The following SHISA2 variants were observed in gnomAD, a reference collection of about 807,000 sequenced individuals.
The protein encoded by SHISA2 is shisa family member 2.
Under a neutral mutation model 23.8 loss-of-function variants are expected in SHISA2, and 16 were observed. The ratio of observed to expected loss-of-function variants is 0.67; its 90% confidence interval spans 0.46 to 1.02. The LOEUF (loss-of-function observed/expected upper bound fraction) is 1.02, where lower values mean the gene tolerates loss of function less well. Among genes scored for constraint, SHISA2 ranks in the 50% least tolerant of loss-of-function variants. The pLI, the probability that SHISA2 is intolerant of heterozygous loss-of-function variation, is 0.00. For synonymous variants in SHISA2, 201 were observed against 178.6 expected (o/e 1.13, Z -1.00); for missense variants, 459 against 420.1 (o/e 1.09, Z -0.81).
chr13:26,046,811 G>C lies in SHISA2; in HGVS notation c.590C>G (p.Ala197Gly). 6.2e-7 allele frequency: 1 copy of C among 1,614,126 alleles called. No individual in the cohort carries two copies. Among genetic ancestry groups the C allele is most frequent in the Non-Finnish European group, 8.5e-7 (1 of 1,180,008 alleles). ...GTTGGTCTGTGACCTTGTTGGGGGC[G>C]CCCGGGCCCCTGAGTTGGCGCTGGA... ...SSSSANSGAR[A>G]PPTRSQTNCC... Residue 197 changes from alanine to glycine, a missense_variant, in exon 2 of 2, where the codon GCG becomes GGG. Ala to Gly is a moderately conservative substitution (Grantham distance 60). Coordinates refer to ENST00000319420, the MANE Select transcript of SHISA2 (RefSeq NM_001007538.2).
intron 1 of SHISA2, 107 bp from the exon 2 acceptor site, chr13:26,047,173 CT>C: frequency 1.7e-6 from 2 of 1,174,396 alleles, no homozygotes; most frequent in East Asian, 2.6e-5. Context: ...ATACCCACAG[CT>C]GAAGGACCTA....
At position 26,046,811 on chromosome 13, in the gene SHISA2, G is replaced by A. The variant is rs372812470; in HGVS notation, c.590C>T (p.Ala197Val). ...GTTGGTCTGTGACCTTGTTGGGGGCGCCCGGGCCCCTGAGTTGGCGCTGGA... is the reference window on the plus strand; with the variant it reads ...GTTGGTCTGTGACCTTGTTGGGGGCACCCGGGCCCCTGAGTTGGCGCTGGA... ...SSSSANSGAR[A>V]PPTRSQTNCC... Residue 197 changes from alanine to valine, a missense_variant, in exon 2 of 2, where the codon GCG (alanine) becomes GTG (valine). Transcript: ENST00000319420. 1.8e-5 allele frequency: 29 copies of A among 1,614,006 alleles called. No homozygotes were observed. The highest frequency in any genetic ancestry group is 8.9e-5 in the East Asian group (4 of 44,892).
At position 26,051,377 on chromosome 13, in the gene SHISA2, G is replaced by C. The variant is rs935651439; in HGVS notation, c.-402C>G. ...CTGGGCGCGCCGCCGCGGACCTGGA[G>C]CCAGGGCTCTGCGCAGGGTTTAAGC... On this transcript the variant is annotated 5_prime_UTR_variant, in exon 1 of 2. Transcript: ENST00000319420. 6.6e-6 allele frequency among the ~76,000 whole-genome samples: 1 copy of C among 152,148 alleles called. No homozygotes were observed. The highest frequency in any genetic ancestry group is 2.4e-5 in the African/African-American group (1 of 41,444).
intron 1 of SHISA2, among the ~76,000 whole-genome samples, chr13:26,047,528 C>G (rs989279034): frequency 3.9e-4 from 60 of 152,082 alleles, no homozygotes; most frequent in African/African-American, 1.4e-3. Flanking sequence ...ATTTAAGTTC[C>G]TTGCAAATTT....
rs1418700442 is a variant in SHISA2 at position 26,046,555 on chromosome 13, G to A, written c.846C>T (p.His282=). The change falls in exon 2 of 2, where the codon CAC becomes CAT. Residue 282 remains histidine, a synonymous_variant. Transcript: ENST00000319420. ...GGTACATCTTCTGTTCACTGTTGGT[G>A]TGAGGGAAGGGGGACTGAATCTGCC... is the stretch of plus-strand genomic sequence containing the variant. ...GYRQIQSPFP[H]TNSEQKMYPA... 1 of 1,613,458 alleles carries A rather than the reference G, an allele frequency of 6.2e-7. No homozygotes were observed. The highest frequency in any genetic ancestry group is 1.3e-5 in the African/African-American group (1 of 74,930).
At chr13:26,049,948 T>C (rs1957290282) in intron 1 of SHISA2, among the ~76,000 whole-genome samples, 1 of 151,556 alleles carries the variant, frequency 6.6e-6, no homozygotes, top group African/African-American at 2.4e-5. Context: ...GGAAGGTTTC[T>C]GAAGAGTGAA....
At position 26,046,801 on chromosome 13, in the gene SHISA2, T is replaced by C; in HGVS notation, c.600A>G (p.Thr200=). 1 of 1,614,148 alleles carries C rather than the reference T, an allele frequency of 6.2e-7. No homozygotes were observed. Among genetic ancestry groups the C allele is most frequent in the Non-Finnish European group, 8.5e-7 (1 of 1,180,014 alleles). Residue 200 remains threonine (T), a synonymous_variant, in exon 2 of 2, where the codon ACA becomes ACG. Transcript: ENST00000319420. Reference sequence around the variant, plus strand: ...GCAAGCAACAGTTGGTCTGTGACCTTGTTGGGGGCGCCCGGGCCCCTGAGT... The same window carrying C: ...GCAAGCAACAGTTGGTCTGTGACCTCGTTGGGGGCGCCCGGGCCCCTGAGT... ...SANSGARAPP[T]RSQTNCCLPE...
chr13:26,050,811 G>C lies in SHISA2; in HGVS notation c.165C>G (p.Pro55=), dbSNP rs746829895. The part of the protein sequence containing the change: ...QGVWRIGFQC[P]ERFDGGDATI... ...TGGCGTCGCCGCCGTCGAAGCGCTCGGGACACTGGAAGCCGATGCGCCAGA... is the reference window on the plus strand; with the variant it reads ...TGGCGTCGCCGCCGTCGAAGCGCTCCGGACACTGGAAGCCGATGCGCCAGA... Residue 55 remains proline, a synonymous_variant, in exon 1 of 2, where the codon CCC becomes CCG. Transcript: ENST00000319420. The C allele has an allele frequency of 1.9e-5, 29 of 1,539,918 alleles. No individual in the cohort carries two copies. The highest frequency in any genetic ancestry group is 2.3e-5 in the Non-Finnish European group (27 of 1,154,002).
At chr13:26,050,541 C>T (rs1156746653) in intron 1 of SHISA2, 101 bp downstream of exon 1, 7 of 1,211,268 alleles carry the variant, frequency 5.8e-6, no homozygotes, top group Non-Finnish European at 7.5e-6. Flanking sequence ...CCTCCTGGTC[C>T]TAGGCCCTTT....
rs571939713 is a variant in SHISA2 at position 26,044,726 on chromosome 13, G to A, written c.*1787C>T. On this transcript the variant is annotated 3_prime_UTR_variant, in exon 2 of 2. Coordinates refer to ENST00000319420, the MANE Select transcript of SHISA2 (RefSeq NM_001007538.2). The stretch of plus-strand genomic sequence containing the variant: ...CATTATTCAGTCATGAAACAGAATA[G>A]AAAGATGATCGATAGATATCTATAG... The A allele has an allele frequency of 6.6e-6, 1 of 152,312 alleles. No homozygotes were observed. The highest frequency in any genetic ancestry group is 3.4e-3 in the Middle Eastern group (1 of 294). The allele number at this position is 152,312 out of a possible 1,614,324, so 9.4% of individuals were successfully genotyped here. A position where few individuals can be genotyped will look rare whatever the true frequency, so the allele number is the denominator to read the frequency against.
chr13:26,049,461 A>G (rs899770210), intron 1 of SHISA2, among the ~76,000 whole-genome samples: 4 of 152,216 alleles, frequency 2.6e-5, no homozygotes, highest in African/African-American at 9.7e-5. Flanking sequence ...CCAATCTAGC[A>G]GACATCTCAC....
chr13:26,051,969 C>T lies in SHISA2; in HGVS notation c.-994G>A, dbSNP rs1222227541. Among the ~76,000 whole-genome samples, 1 of 45,772 alleles carries T rather than the reference C, an allele frequency of 2.2e-5. No individual in the cohort carries two copies. The allele number at this position is 45,772 out of a possible 152,430, so 30.0% of individuals were successfully genotyped here. On this transcript the variant is annotated 5_prime_UTR_variant, in exon 1 of 2. Transcript: ENST00000319420. ...CGGGAGAAGCCGAGCGCAGCAGCCG[C>T]CCACAGCCTCGCCTCGCCCCGCCCG... is the stretch of plus-strand genomic sequence containing the variant.
At chr13:26,050,271 T>C (rs59924692) in intron 1 of SHISA2, among the ~76,000 whole-genome samples, 32,050 of 152,030 alleles carry the variant, frequency 0.21, 3,491 homozygotes, top group South Asian at 0.35. Flanking sequence ...CCCTCACGGG[T>C]GGGGGCGCAC....
At chr13:26,047,102 A>T (rs1003409421) in intron 1 of SHISA2, 36 bp from the exon 2 acceptor site, 1 of 1,504,370 alleles carries the variant, frequency 6.6e-7, no homozygotes, top group African/African-American at 1.4e-5. Flanking sequence ...ATTATGATCT[A>T]CTCTAGGAAC....
rs1957300610 is a variant in SHISA2, at chr13:26,051,052, C to T, written c.-77G>A. 1 of 1,304,362 alleles carries T rather than the reference C, an allele frequency of 7.7e-7. No individual in the cohort carries two copies. The highest frequency in any genetic ancestry group is 1.0e-6 in the Non-Finnish European group (1 of 998,314). 80.8% of individuals were successfully genotyped at this position (1,304,362 alleles called of 1,614,324 possible). On this transcript the variant is annotated 5_prime_UTR_variant, in exon 1 of 2. Coordinates refer to ENST00000319420, the MANE Select transcript of SHISA2 (RefSeq NM_001007538.2). ...CCGAGAAGTCGTGGCCCCGGCGACCCCCGGGCCTCGTCACTGACTGTCCCG... is the reference window on the plus strand; with the variant it reads ...CCGAGAAGTCGTGGCCCCGGCGACCTCCGGGCCTCGTCACTGACTGTCCCG...
Position 26,046,423 on chromosome 13 carries a change from A to G in SHISA2, c.*90T>C, listed in dbSNP as rs568397430. On this transcript the variant is annotated 3_prime_UTR_variant, in exon 2 of 2. Transcript: ENST00000319420. ...AAGCCATCCAAAGGAATCGTGCCAT[A>G]AATACCACCGACATGTGCGGACTTC... 2.9e-6 allele frequency: 4 copies of G among 1,362,970 alleles called. No homozygotes were observed. The South Asian group carries it at 5.8e-5, about 20-fold the overall frequency. 84.4% of individuals were successfully genotyped at this position (1,362,970 alleles called of 1,614,324 possible). A position where few individuals can be genotyped will look rare whatever the true frequency, so the allele number is the denominator to read the frequency against.
In SHISA2 at chr13:26,046,081, TTAA is replaced by T. The variant is rs1160793156; in HGVS notation, c.*429_*431del. Reference sequence around the variant, plus strand: ...GGCAACAGAGCAAGACCCTGTCTGATTAAAAAAAAAAAAAAAAAAAAAAAAAGT... The same window carrying T: ...GGCAACAGAGCAAGACCCTGTCTGATAAAAAAAAAAAAAAAAAAAAAAAGT... On this transcript the variant is annotated 3_prime_UTR_variant, in exon 2 of 2. Transcript: ENST00000319420. The T allele has an allele frequency of 5.4e-4, 53 of 97,550 alleles. No individual in the cohort carries two copies. In the East Asian group the frequency reaches 9.1e-3, roughly 17 times the overall value. The allele number at this position is 97,550 out of a possible 1,614,324, so 6.0% of individuals were successfully genotyped here.
Position 26,046,855 on chromosome 13 carries a change from G to T in SHISA2, c.546C>A (p.Ser182Arg). ...TSRGSSSRQS[S>R]TAASSSSSAN... Reference sequence around the variant, plus strand: ...CGCTGGAGCTGGAACTGGCAGCTGTGCTGGACTGGCGTGAGGACGACCCCC... The same window carrying T: ...CGCTGGAGCTGGAACTGGCAGCTGTTCTGGACTGGCGTGAGGACGACCCCC... Residue 182 changes from serine to arginine, a missense_variant, in exon 2 of 2, where the codon AGC becomes AGA. Transcript: ENST00000319420. 6.2e-7 allele frequency: 1 copy of T among 1,614,010 alleles called. No individual in the cohort carries two copies. Among genetic ancestry groups the T allele is most frequent in the Non-Finnish European group, 8.5e-7 (1 of 1,179,950 alleles).
Position 26,046,481 on chromosome 13 carries a change from C to A in SHISA2, c.*32G>T. ...AGAATCCACCCCTGCCTTCGTCTCC[C>A]TTCAGTAAAGGAACCCACCAGTGAC... On this transcript the variant is annotated 3_prime_UTR_variant, in exon 2 of 2. Transcript: ENST00000319420. The A allele has an allele frequency of 6.4e-7, 1 of 1,551,658 alleles. No individual in the cohort carries two copies. The highest frequency in any genetic ancestry group is 2.3e-5 in the East Asian group (1 of 44,096).
Sources: allele counts gnomAD v4.1 joint callset (sites outside exome capture counted in the v4.1 genomes callset), GRCh38; gene constraint gnomAD v4.1.1; transcripts MANE v1.5; gene names NCBI Gene and HGNC (gene_info 2026-07-23, HGNC 2026-07-21).